ITPR2: variants seen among roughly 807,000 people sequenced by gnomAD.
ITPR2 encodes the protein inositol 1,4,5-trisphosphate-gated calcium channel ITPR2.
A neutral mutation model predicts 317.1 loss-of-function variants in ITPR2; 207 were observed. That is an observed-to-expected ratio of 0.65 (90% CI 0.58 to 0.73). The LOEUF (loss-of-function observed/expected upper bound fraction) is 0.73, where lower values mean the gene tolerates loss of function less well. Among genes scored for constraint, ITPR2 ranks in the 30% least tolerant of loss-of-function variants. ITPR2 has a pLI of 0.00. For synonymous variants in ITPR2, 1,156 were observed against 1,149.1 expected (o/e 1.01, Z -0.12); for missense variants, 2,613 against 3,284.0 (o/e 0.80, Z 4.99).
intron 26 of ITPR2, among the ~76,000 whole-genome samples, chr12:26,612,399 T>G (rs1946288238): frequency 6.6e-6 from 1 of 152,222 alleles, no homozygotes; most frequent in Non-Finnish European, 1.5e-5. Flanking sequence ...AAAGGAGTAT[T>G]GTTCGTATTG....
intron 48 of ITPR2, among the ~76,000 whole-genome samples, chr12:26,433,523 T>C (rs1295773159): frequency 6.7e-6 from 1 of 148,284 alleles, no homozygotes; most frequent in Non-Finnish European, 1.5e-5. Context: ...TCAAGTGCTT[T>C]GTGTTAAAGA....
chr12:26,746,294 G>T (rs1949322405), intron 2 of ITPR2, among the ~76,000 whole-genome samples: 1 of 152,058 alleles, frequency 6.6e-6, no homozygotes, highest in South Asian at 2.1e-4. Flanking sequence ...GCATGCAAAT[G>T]GAGGGAACCT....
At chr12:26,600,862 T>C (rs1945983693) in intron 28 of ITPR2, among the ~76,000 whole-genome samples, 1 of 152,096 alleles carries the variant, frequency 6.6e-6, no homozygotes, top group Non-Finnish European at 1.5e-5. Context: ...TCTTCCTCTC[T>C]CCAATCTCTC....
At chr12:26,536,658 G>GA (rs1944101265) in intron 37 of ITPR2, among the ~76,000 whole-genome samples, 1 of 152,212 alleles carries the variant, frequency 6.6e-6, no homozygotes, top group Non-Finnish European at 1.5e-5. Flanking sequence ...AGAACTGGGT[G>GA]GTGGACTCTG....
chr12:26,609,759 A>T (rs1946222227), intron 26 of ITPR2, among the ~76,000 whole-genome samples: 1 of 152,248 alleles, frequency 6.6e-6, no homozygotes, highest in Non-Finnish European at 1.5e-5. Context: ...TAAAATAACC[A>T]AGTAATTCAA....
intron 39 of ITPR2, among the ~76,000 whole-genome samples, chr12:26,492,519 G>A (rs977804945): frequency 6.6e-5 from 10 of 151,352 alleles, no homozygotes; most frequent in Admixed American, 6.6e-5. Context: ...CTAATGTTAT[G>A]TGGTTGACTG....
chr12:26,660,902 A>G (rs1947480792), intron 15 of ITPR2, among the ~76,000 whole-genome samples: 1 of 151,886 alleles, frequency 6.6e-6, no homozygotes, highest in Non-Finnish European at 1.5e-5. Context: ...GGACTACAAC[A>G]TATAGGTGAA....
chr12:26,783,658 G>C (rs368350081), intron 2 of ITPR2, among the ~76,000 whole-genome samples: 4 of 152,184 alleles, frequency 2.6e-5, no homozygotes. Context: ...TTAAAGGGAA[G>C]ACGATTAAAT....
chr12:26,676,038 A>T (rs1482594879), intron 13 of ITPR2, among the ~76,000 whole-genome samples: 2 of 152,158 alleles, frequency 1.3e-5, no homozygotes, highest in Admixed American at 6.5e-5. Flanking sequence ...CACACCTGTA[A>T]TCCCAGCTAC....
In ITPR2 at chr12:26,656,497, G is replaced by A. The variant is rs755175924; in HGVS notation, c.2244C>T (p.Ala748=). The part of the protein sequence containing the change: ...ARMCLDRQYL[A]INQISTQLSV... ...ACAGCTGTGTAGAAATCTGGTTTAT[G>A]GCCAGATACTGGCGATCCAAGCACA... The change falls in exon 19 of 57, where the codon GCC becomes GCT. Residue 748 remains alanine (A), a synonymous_variant. Transcript: ENST00000381340. 16 of 1,614,018 alleles carry A rather than the reference G, an allele frequency of 9.9e-6. No individual in the cohort carries two copies. Among genetic ancestry groups the A allele is most frequent in the Non-Finnish European group, 1.4e-5 (16 of 1,179,994 alleles).
intron 36 of ITPR2, among the ~76,000 whole-genome samples, chr12:26,551,442 T>G (rs1379801386): frequency 1.3e-5 from 2 of 152,218 alleles, no homozygotes; most frequent in African/African-American, 2.4e-5. Flanking sequence ...TTCAGGTCCA[T>G]CTGACCTCAG....
chr12:26,550,198 G>T, intron 37 of ITPR2, 49 bp downstream of exon 37: 1 of 758,156 alleles, frequency 1.3e-6, no homozygotes. Flanking sequence ...TTACAGTATT[G>T]GGGAAATCCT....
intron 44 of ITPR2, among the ~76,000 whole-genome samples, chr12:26,475,822 C>T (rs927672871): frequency 1.3e-5 from 2 of 152,122 alleles, no homozygotes; most frequent in African/African-American, 2.4e-5. Context: ...GGAGAGTCAG[C>T]AAGCAAGGAG....
At chr12:26,705,095 A>C (rs571427285) in intron 9 of ITPR2, among the ~76,000 whole-genome samples, 1 of 152,256 alleles carries the variant, frequency 6.6e-6, no homozygotes, top group Non-Finnish European at 1.5e-5. Flanking sequence ...CAACCACCTC[A>C]TTTTTAAAAA....
intron 21 of ITPR2, among the ~76,000 whole-genome samples, chr12:26,642,248 T>C (rs540541204): frequency 6.6e-6 from 1 of 152,374 alleles, no homozygotes; most frequent in South Asian, 2.1e-4. Context: ...ATAATCTCTA[T>C]TTCCTATGAC....
chr12:26,537,933 C>T (rs1427346990), intron 37 of ITPR2, among the ~76,000 whole-genome samples: 2 of 152,112 alleles, frequency 1.3e-5, no homozygotes, highest in East Asian at 3.9e-4. Context: ...AGGAACCAGG[C>T]CTACTCTGAA....
At chr12:26,427,810 A>T in intron 49 of ITPR2, 103 bp downstream of exon 49, 1 of 677,934 alleles carries the variant, frequency 1.5e-6, no homozygotes, top group East Asian at 3.5e-5. Context: ...ATAAATTAGA[A>T]TTCACCATGC....
intron 1 of ITPR2, among the ~76,000 whole-genome samples, chr12:26,796,658 A>G (rs1445054646): frequency 6.6e-6 from 1 of 152,230 alleles, no homozygotes; most frequent in Non-Finnish European, 1.5e-5. Context: ...TACGAACAAG[A>G]GTGTTCACGG....
At chr12:26,470,287 G>T (rs1042546932) in intron 45 of ITPR2, among the ~76,000 whole-genome samples, 1 of 152,118 alleles carries the variant, frequency 6.6e-6, no homozygotes, top group Non-Finnish European at 1.5e-5. Context: ...GACATGGAAA[G>T]ATTATATAAT....
Sources: allele counts gnomAD v4.1 joint callset (sites outside exome capture counted in the v4.1 genomes callset), GRCh38; gene constraint gnomAD v4.1.1; transcripts MANE v1.5; gene names NCBI Gene and HGNC (gene_info 2026-07-23, HGNC 2026-07-21).